Variants in CBR4 observed in about 807,000 individuals in gnomAD.
The protein encoded by CBR4 is 3-oxoacyl-[acyl-carrier-protein] reductase.
CBR4 carries 22 observed loss-of-function variants against 21.0 expected under a neutral mutation model. That is an observed-to-expected ratio of 1.05 (90% CI 0.75 to 1.50). CBR4 has a LOEUF of 1.50. Ranked by LOEUF, CBR4 falls within the 40% of genes most tolerant of loss-of-function variation. The probability of loss-of-function intolerance (pLI) is 0.00; values close to 1 mark genes in which losing one functional copy is unlikely to be tolerated. For missense variants in CBR4, 302 were observed against 286.3 expected (o/e 1.05, Z -0.40); for synonymous variants, 100 against 104.4 (o/e 0.96, Z 0.26).
chr4:168,911,890 G>T (rs190678952), intron 2 of CBR4, among the ~76,000 whole-genome samples: 3 of 152,286 alleles, frequency 2.0e-5, no homozygotes, highest in South Asian at 2.1e-4. Context: ...AGTCACATAT[G>T]TAGTGGTATA....
intron 2 of CBR4, among the ~76,000 whole-genome samples, chr4:168,956,838 G>A (rs1763703679): frequency 1.3e-5 from 2 of 151,940 alleles, no homozygotes; most frequent in Admixed American, 1.3e-4. Context: ...GGCTCCAAAG[G>A]CCTTATCTTT....
chr4:168,962,622 G>A (rs968111136), intron 2 of CBR4, among the ~76,000 whole-genome samples: 2 of 152,176 alleles, frequency 1.3e-5, no homozygotes, highest in African/African-American at 4.8e-5. Context: ...TGAGGAATCT[G>A]TAGGATATTC....
intron 2 of CBR4, among the ~76,000 whole-genome samples, chr4:168,968,504 C>G (rs754606551): frequency 1.3e-5 from 2 of 152,210 alleles, no homozygotes; most frequent in Non-Finnish European, 2.9e-5. Context: ...TCTTTCCTGT[C>G]AGGCAGGAAC....
rs1398289867 is a variant in CBR4, at chr4:168,894,666, A to C, written n.269T>G. 2 of 1,613,460 alleles carry C rather than the reference A, an allele frequency of 1.2e-6. No homozygotes were observed. The highest frequency in any genetic ancestry group is 1.7e-4 in the Middle Eastern group (1 of 6,060). ...TAATATTCAGGAGCCAGAAGAGGAA[A>C]CAGCTAATCAGGTACCATGTTGCTC... On this transcript the variant is annotated non_coding_transcript_exon_variant, in exon 3 of 4. Transcript: ENST00000509108.
chr4:168,977,909 T>A (rs1764420222), intron 2 of CBR4, among the ~76,000 whole-genome samples: 1 of 127,972 alleles, frequency 7.8e-6, no homozygotes, highest in South Asian at 3.2e-4. Context: ...TAGACTCAAT[T>A]TTCCATTACC....
At chr4:168,978,826 C>T (rs1352147390) in intron 2 of CBR4, among the ~76,000 whole-genome samples, 1 of 152,144 alleles carries the variant, frequency 6.6e-6, no homozygotes, top group East Asian at 1.9e-4. Flanking sequence ...AGGCCTTGCC[C>T]CAACTACACC....
intron 2 of CBR4, among the ~76,000 whole-genome samples, chr4:168,896,906 A>G (rs1358587201): frequency 1.3e-5 from 2 of 152,062 alleles, no homozygotes; most frequent in African/African-American, 2.4e-5. Context: ...ATCTTGGCTC[A>G]CTGCAACCTC....
Position 169,010,097 on chromosome 4 carries a change from T to C in CBR4, c.-8A>G. 6.3e-7 allele frequency: 1 copy of C among 1,595,416 alleles called. No homozygotes were observed. Among genetic ancestry groups the C allele is most frequent in the East Asian group, 2.3e-5 (1 of 43,394 alleles). ...AGCACACACTTTGTCCATCTCGGAGTCACAAACTCGGAGGAAAGAGGGTAG... is the reference window on the plus strand; with the variant it reads ...AGCACACACTTTGTCCATCTCGGAGCCACAAACTCGGAGGAAAGAGGGTAG... On this transcript the variant is annotated 5_prime_UTR_variant, in exon 1 of 5. Coordinates refer to ENST00000306193, the MANE Select transcript of CBR4 (RefSeq NM_032783.5).
At chr4:168,925,473 T>A (rs969237824) in intron 2 of CBR4, 16 of 602,068 alleles carry the variant, frequency 2.7e-5, no homozygotes, top group Non-Finnish European at 4.8e-5. Flanking sequence ...CTATATTCTA[T>A]CGCAGTGTCC....
intron 2 of CBR4, among the ~76,000 whole-genome samples, chr4:168,977,786 T>C (rs1445277978): frequency 1.3e-5 from 2 of 152,192 alleles, no homozygotes; most frequent in Non-Finnish European, 2.9e-5. Context: ...GCGCCACCAC[T>C]CATCCAGATT....
At chr4:168,894,853 G>T in intron 2 of CBR4, 1 of 953,780 alleles carries the variant, frequency 1.0e-6, no homozygotes, top group Non-Finnish European at 1.5e-6. Context: ...CACATACTAT[G>T]TTAAGTGACT....
Position 168,921,793 on chromosome 4 carries a change from C to G in CBR4, n.170-27028G>C, listed in dbSNP as rs752635004. The stretch of plus-strand genomic sequence containing the variant: ...TCTGACAGAATGAACATCAGACTTA[C>G]AAATGTAAACTAATTCTACATTACT... On this transcript the variant is annotated intron_variant and non_coding_transcript_variant, in intron 2 of 3. Transcript: ENST00000509108. 23 of 1,325,910 alleles carry G rather than the reference C, an allele frequency of 1.7e-5. No homozygotes were observed. The African/African-American group carries it at 3.2e-4, about 18-fold the overall frequency. 82.1% of individuals were successfully genotyped at this position (1,325,910 alleles called of 1,614,324 possible).
chr4:168,959,747 G>A (rs910010233), intron 2 of CBR4, among the ~76,000 whole-genome samples: 12 of 151,188 alleles, frequency 7.9e-5, no homozygotes, highest in African/African-American at 2.9e-4. Context: ...TGTACTTTTA[G>A]AGAGATGGGG....
intron 2 of CBR4, among the ~76,000 whole-genome samples, chr4:168,981,578 G>T (rs1249774273): frequency 6.6e-6 from 1 of 151,944 alleles, no homozygotes. Context: ...ATAATAAAGA[G>T]AATTTTTTTA....
At chr4:169,005,166 T>C (rs1730799385) in intron 3 of CBR4, 1 of 151,854 alleles carries the variant, frequency 6.6e-6, no homozygotes, top group African/African-American at 2.4e-5. Context: ...GAAATGCATA[T>C]GGATAGAGGG....
intron 2 of CBR4, among the ~76,000 whole-genome samples, chr4:168,937,165 T>G (rs531976866): frequency 7.2e-5 from 11 of 152,258 alleles, no homozygotes; most frequent in African/African-American, 2.6e-4. Flanking sequence ...TTCAACATTC[T>G]TAAAGAGAAG....
intron 2 of CBR4, among the ~76,000 whole-genome samples, chr4:168,962,258 C>T (rs1426470498): frequency 1.3e-5 from 2 of 151,928 alleles, no homozygotes; most frequent in African/African-American, 4.8e-5. Context: ...ATGGAAAATA[C>T]ACAACCATAT....
Position 168,989,508 on chromosome 4 carries a change from TA to T in CBR4, c.*641del. The T allele has an allele frequency of 1.0e-6, 1 of 985,396 alleles. No individual in the cohort carries two copies. Among genetic ancestry groups the T allele is most frequent in the Non-Finnish European group, 1.2e-6 (1 of 829,900 alleles). 61.0% of individuals were successfully genotyped at this position (985,396 alleles called of 1,614,324 possible). On this transcript the variant is annotated 3_prime_UTR_variant, in exon 5 of 5. Transcript: ENST00000306193. ...TGAATACTATGTTTTGCAACCTGTA[TA>T]AAAACTGATCACCCAAGCACATGCA... is the stretch of plus-strand genomic sequence containing the variant.
chr4:168,940,872 C>A (rs1017017633), intron 2 of CBR4, among the ~76,000 whole-genome samples: 2 of 152,066 alleles, frequency 1.3e-5, no homozygotes, highest in Non-Finnish European at 2.9e-5. Flanking sequence ...GACAGTGTGG[C>A]GATTCCTCAA....
Sources: allele counts gnomAD v4.1 joint callset (sites outside exome capture counted in the v4.1 genomes callset), GRCh38; gene constraint gnomAD v4.1.1; transcripts MANE v1.5; gene names NCBI Gene and HGNC (gene_info 2026-07-23, HGNC 2026-07-21).